CHRM2: variants seen among roughly 807,000 people sequenced by gnomAD.
CHRM2 encodes muscarinic acetylcholine receptor M2.
In CHRM2, 8 loss-of-function variants were observed where a neutral mutation model predicts 25.0. That is an observed-to-expected ratio of 0.32 (90% CI 0.19 to 0.58). The LOEUF (loss-of-function observed/expected upper bound fraction) is 0.58. Among genes scored for constraint, CHRM2 ranks in the 20% least tolerant of loss-of-function variants. The probability of loss-of-function intolerance (pLI) is 0.88; values close to 1 mark genes in which losing one functional copy is unlikely to be tolerated. For missense variants in CHRM2, 440 were observed against 567.1 expected (o/e 0.78, Z 2.28); for synonymous variants, 202 against 205.7 (o/e 0.98, Z 0.15).
rs952299470 is a variant in CHRM2, at chr7:136,869,443, C to T, written c.-125+25C>T. On this transcript the variant is annotated intron_variant, in intron 2 of 3. Transcript: ENST00000680005. This position sits in a 1 kb window ranked among gnomAD's most constrained non-coding sequence, Gnocchi z 4.9. ...GGTAAGGGCCCCGCGCTGTGCAGCT[C>T]TCCGCTTACCCACTCCAAGGGCCCT... The T allele has an allele frequency of 1.6e-4, 24 of 152,202 alleles. No individual in the cohort carries two copies. The highest frequency in any genetic ancestry group is 3.1e-4 in the Non-Finnish European group (21 of 68,122). The allele number at this position is 152,202 out of a possible 1,614,324, so 9.4% of individuals were successfully genotyped here.
chr7:136,906,292 CAA>C (rs1218596715), intron 2 of CHRM2, among the ~76,000 whole-genome samples: 6 of 150,482 alleles, frequency 4.0e-5, no homozygotes, highest in Non-Finnish European at 8.9e-5. Flanking sequence ...GGAATAAAAA[CAA>C]ATGTGTGTGT....
At chr7:136,913,293 A>G (rs1159805698) in intron 2 of CHRM2, among the ~76,000 whole-genome samples, 2 of 151,984 alleles carry the variant, frequency 1.3e-5, no homozygotes, top group Non-Finnish European at 1.5e-5. Flanking sequence ...ATAATGGATT[A>G]GCCTATCTAT....
At chr7:136,873,618 C>G (rs890483786) in intron 2 of CHRM2, among the ~76,000 whole-genome samples, 5 of 152,174 alleles carry the variant, frequency 3.3e-5, no homozygotes, top group Non-Finnish European at 7.3e-5. Context: ...TAGTAAGTTG[C>G]AGCCCCTGGA....
chr7:136,938,960 A>G (rs1221095736), intron 2 of CHRM2, among the ~76,000 whole-genome samples: 1 of 109,428 alleles, frequency 9.1e-6, no homozygotes, highest in East Asian at 3.0e-4. Flanking sequence ...AAAAAAAAAA[A>G]AAAGAGTGCT....
intron 2 of CHRM2, among the ~76,000 whole-genome samples, chr7:136,896,810 A>G (rs1447669918): frequency 1.3e-5 from 2 of 152,142 alleles, no homozygotes; most frequent in Non-Finnish European, 2.9e-5. Flanking sequence ...TGGCAATGAC[A>G]TATTCTTGAA....
chr7:136,894,447 C>G (rs1796811000), intron 2 of CHRM2, among the ~76,000 whole-genome samples: 1 of 152,160 alleles, frequency 6.6e-6, no homozygotes, highest in South Asian at 2.1e-4. Context: ...TCTCGGCTCA[C>G]TGCAACTTCT....
At chr7:136,933,565 A>G (rs1160636444) in intron 2 of CHRM2, among the ~76,000 whole-genome samples, 4 of 152,244 alleles carry the variant, frequency 2.6e-5, no homozygotes, top group Non-Finnish European at 5.9e-5. Context: ...ACATGACTCA[A>G]CAATTCTCCT....
At chr7:136,972,237 A>G (rs1187782070) in intron 2 of CHRM2, among the ~76,000 whole-genome samples, 2 of 152,090 alleles carry the variant, frequency 1.3e-5, no homozygotes, top group African/African-American at 4.8e-5. Context: ...TTTATATGAG[A>G]GTAAAATCCT....
chr7:136,917,589 G>C (rs1448223859), intron 2 of CHRM2, among the ~76,000 whole-genome samples: 1 of 152,024 alleles, frequency 6.6e-6, no homozygotes, highest in Non-Finnish European at 1.5e-5. Context: ...AGGACAGAAT[G>C]AGGTAAACAA....
At chr7:136,900,877 G>A (rs1309421806) in intron 2 of CHRM2, among the ~76,000 whole-genome samples, 1 of 151,848 alleles carries the variant, frequency 6.6e-6, no homozygotes, top group Non-Finnish European at 1.5e-5. Flanking sequence ...CGTCAGCAGG[G>A]GAACACTGAA....
In CHRM2 at chr7:137,020,199, T is replaced by C. The variant is rs929521918; in HGVS notation, c.*3933T>C. The C allele has an allele frequency of 7.0e-6, 1 of 142,072 alleles. No homozygotes were observed. Among genetic ancestry groups the C allele is most frequent in the Admixed American group, 6.8e-5 (1 of 14,710 alleles). The allele number at this position is 142,072 out of a possible 1,614,324, so 8.8% of individuals were successfully genotyped here. The stretch of plus-strand genomic sequence containing the variant: ...ATTCTATAAATAAAATAATAAAATG[T>C]ACAATAGAAATACATATTTCTGTAT... On this transcript the variant is annotated 3_prime_UTR_variant, in exon 4 of 4. Coordinates refer to ENST00000680005, the MANE Select transcript of CHRM2 (RefSeq NM_001006630.2).
At chr7:136,933,186 G>A (rs1799213928) in intron 2 of CHRM2, among the ~76,000 whole-genome samples, 1 of 152,168 alleles carries the variant, frequency 6.6e-6, no homozygotes, top group South Asian at 2.1e-4. Flanking sequence ...CAAGGAAGCT[G>A]TATCTCACAA....
In CHRM2 at chr7:136,926,350, C is replaced by T. The variant is rs576012892; in HGVS notation, c.-125+56932C>T. ...TTGACATATTTTTGAGCACCTATGA[C>T]GTGTCAGGCAGGAATAGACTGCTGC... On this transcript the variant is annotated intron_variant, in intron 2 of 3. Coordinates refer to ENST00000680005, the MANE Select transcript of CHRM2 (RefSeq NM_001006630.2). 4.0e-3 allele frequency among the ~76,000 whole-genome samples: 602 copies of T among 152,252 alleles called. 5 individuals carry two copies. Among genetic ancestry groups the T allele is most frequent in the Middle Eastern group, 0.014 (4 of 294 alleles).
Position 136,899,307 on chromosome 7 carries a change from G to A in CHRM2, c.-125+29889G>A, listed in dbSNP as rs79142414. On this transcript the variant is annotated intron_variant, in intron 2 of 3. Coordinates refer to ENST00000680005, the MANE Select transcript of CHRM2 (RefSeq NM_001006630.2). Reference sequence around the variant, plus strand: ...GGCAAACTAAAAATGATCCCACATTGGGTACCCTGAGAGATCTTCCTGTTA... The same window carrying A: ...GGCAAACTAAAAATGATCCCACATTAGGTACCCTGAGAGATCTTCCTGTTA... 5 of 152,044 alleles carry A rather than the reference G, an allele frequency of 3.3e-5. No homozygotes were observed. In the East Asian group the frequency reaches 9.7e-4, roughly 29 times the overall value. 9.4% of individuals were successfully genotyped at this position (152,044 alleles called of 1,614,324 possible). A position where few individuals can be genotyped will look rare whatever the true frequency, so the allele number is the denominator to read the frequency against.
At chr7:136,898,980 AT>A (rs1479797247) in intron 2 of CHRM2, 2 of 152,110 alleles carry the variant, frequency 1.3e-5, no homozygotes, top group Admixed American at 1.3e-4. Flanking sequence ...GGTGCTGTAA[AT>A]TGAGTTGGTT....
At chr7:136,951,625 C>T (rs1032785258) in intron 2 of CHRM2, among the ~76,000 whole-genome samples, 8 of 152,146 alleles carry the variant, frequency 5.3e-5, no homozygotes, top group Admixed American at 3.9e-4. Flanking sequence ...GCTGTCCTTT[C>T]CTAATGATAT....
intron 2 of CHRM2, among the ~76,000 whole-genome samples, chr7:136,939,806 A>C (rs947133193): frequency 6.6e-6 from 1 of 152,222 alleles, no homozygotes; most frequent in Non-Finnish European, 1.5e-5. Flanking sequence ...GCTTCACAGG[A>C]GCAAGTATGC....
chr7:136,976,895 C>T (rs970881130), intron 2 of CHRM2, among the ~76,000 whole-genome samples: 16 of 152,098 alleles, frequency 1.1e-4, no homozygotes, highest in African/African-American at 3.9e-4. Flanking sequence ...ATTTGCTTTC[C>T]CTGAGGGACA....
chr7:136,888,424 G>A (rs1194150690), intron 2 of CHRM2, among the ~76,000 whole-genome samples: 1 of 152,144 alleles, frequency 6.6e-6, no homozygotes, highest in Non-Finnish European at 1.5e-5. Flanking sequence ...TGTTGTTGTT[G>A]GAAGCTGTGA....
Sources: allele counts gnomAD v4.1 joint callset (sites outside exome capture counted in the v4.1 genomes callset), GRCh38; gene constraint gnomAD v4.1.1; non-coding constraint Gnocchi (gnomAD v3.1); transcripts MANE v1.5; gene names NCBI Gene and HGNC (gene_info 2026-07-23, HGNC 2026-07-21).